Variants in BANK1 observed in about 807,000 individuals in gnomAD.
BANK1 encodes the protein B cell scaffold protein with ankyrin repeats 1.
A neutral mutation model predicts 94.5 loss-of-function variants in BANK1; 95 were observed. The ratio of observed to expected loss-of-function variants is 1.00; its 90% confidence interval spans 0.85 to 1.19. The LOEUF (loss-of-function observed/expected upper bound fraction) is 1.19. BANK1 is among the 50% of genes most tolerant of loss of function. The pLI, the probability that BANK1 is intolerant of heterozygous loss-of-function variation, is 0.00. For missense variants in BANK1, 987 were observed against 932.2 expected, an observed-to-expected ratio of 1.06 and a Z score of -0.77; for synonymous variants, 334 against 308.4, an observed-to-expected ratio of 1.08 and a Z score of -0.87.
intron 7 of BANK1, among the ~76,000 whole-genome samples, chr4:101,948,075 G>T (rs1311910989): frequency 1.3e-5 from 2 of 152,058 alleles, no homozygotes; most frequent in African/African-American, 2.4e-5. Context: ...AATTTAACAT[G>T]TTAAATAAAA....
intron 1 of BANK1, among the ~76,000 whole-genome samples, chr4:101,802,597 G>C (rs1281355768): frequency 6.6e-6 from 1 of 152,176 alleles, no homozygotes; most frequent in East Asian, 1.9e-4. Flanking sequence ...TTTTGTGTTT[G>C]TATGTAGTAA....
At chr4:101,959,642 G>A (rs1724497123) in intron 7 of BANK1, among the ~76,000 whole-genome samples, 1 of 152,148 alleles carries the variant, frequency 6.6e-6, no homozygotes, top group African/African-American at 2.4e-5. Flanking sequence ...TTATCTGCAA[G>A]CACCTTTAGC....
chr4:101,876,691 C>G (rs542797150), intron 5 of BANK1, among the ~76,000 whole-genome samples: 3 of 152,226 alleles, frequency 2.0e-5, no homozygotes, highest in African/African-American at 7.2e-5. Context: ...ATGACCTCAC[C>G]AAATGAACTA....
intron 7 of BANK1, among the ~76,000 whole-genome samples, chr4:101,951,269 A>G (rs1724141920): frequency 6.6e-6 from 1 of 152,100 alleles, no homozygotes; most frequent in African/African-American, 2.4e-5. Flanking sequence ...TTAAAAGGTT[A>G]TTTTTAAAAA....
chr4:101,918,633 A>G (rs928334886), intron 7 of BANK1, among the ~76,000 whole-genome samples: 2 of 151,982 alleles, frequency 1.3e-5, no homozygotes, highest in African/African-American at 4.8e-5. Context: ...TTCTGGTTGT[A>G]ACAAAGATAT....
At position 101,990,214 on chromosome 4, in the gene BANK1, C is replaced by T. The variant is rs1725654800; in HGVS notation, c.1207-31300C>T. ...ATACAAGACAAATCTAATTATTTTC[C>T]TTGTTCAGCTTATAAAAAACAAAAC... On this transcript the variant is annotated intron_variant, in intron 7 of 16. Coordinates refer to ENST00000322953, the MANE Select transcript of BANK1 (RefSeq NM_017935.5). Among the ~76,000 whole-genome samples, 5 of 152,276 alleles carry T rather than the reference C, an allele frequency of 3.3e-5. No homozygotes were observed. The South Asian group carries it at 1.0e-3, about 32-fold the overall frequency.
chr4:101,865,649 G>T (rs575057003), intron 4 of BANK1, among the ~76,000 whole-genome samples: 2 of 152,232 alleles, frequency 1.3e-5, no homozygotes, highest in East Asian at 3.9e-4. Context: ...GTATGCCACA[G>T]CAAAAACCCT....
intron 10 of BANK1, 65 bp downstream of exon 10, chr4:102,030,330 A>C (rs1188059677): frequency 6.9e-7 from 1 of 1,453,408 alleles, no homozygotes; most frequent in African/African-American, 1.4e-5. Flanking sequence ...GGATGGGAGG[A>C]GGGGATAAGG....
At chr4:101,791,207 A>T (rs1231796676) in intron 1 of BANK1, among the ~76,000 whole-genome samples, 2 of 140,002 alleles carry the variant, frequency 1.4e-5, no homozygotes, top group African/African-American at 4.9e-5. Context: ...CAGTGTCTGC[A>T]ACTTCTGAGG....
chr4:101,822,801 G>T (rs1318624114), intron 1 of BANK1, among the ~76,000 whole-genome samples: 3 of 151,934 alleles, frequency 2.0e-5, no homozygotes, highest in Non-Finnish European at 4.4e-5. Flanking sequence ...ATTTTTAGTA[G>T]AGGCGGGGTT....
intron 7 of BANK1, among the ~76,000 whole-genome samples, chr4:101,971,267 G>A (rs1183124183): frequency 6.6e-6 from 1 of 152,006 alleles, no homozygotes; most frequent in Non-Finnish European, 1.5e-5. Context: ...TTAATCAAGT[G>A]TGTCTCCAAA....
intron 5 of BANK1, among the ~76,000 whole-genome samples, 185 bp downstream of exon 5, chr4:101,870,829 C>CA (rs199824902): frequency 0.038 from 5,641 of 148,184 alleles, 333 homozygotes; most frequent in African/African-American, 0.13. Flanking sequence ...TTGCCTAGGT[C>CA]AAAAAAAAAC....
rs149704868 is a variant in BANK1 at position 102,023,699 on chromosome 4, T to C, written c.1286-1502T>C. On this transcript the variant is annotated intron_variant, in intron 8 of 16. Coordinates refer to ENST00000322953, the MANE Select transcript of BANK1 (RefSeq NM_017935.5). ...GAAACCCAAGTTTGGGCATATTTGA[T>C]GACAAGTACCATTCAGATTCTGTTG... Among the ~76,000 whole-genome samples the C allele has an allele frequency of 3.4e-4, 52 of 152,336 alleles. No homozygotes were observed. The East Asian group carries it at 7.7e-3, about 23-fold the overall frequency.
chr4:101,809,120 G>A (rs985416118), intron 1 of BANK1, among the ~76,000 whole-genome samples: 6 of 152,266 alleles, frequency 3.9e-5, no homozygotes, highest in African/African-American at 1.2e-4. Context: ...ATCAATGAGT[G>A]GGTAAAGAAA....
intron 7 of BANK1, among the ~76,000 whole-genome samples, chr4:101,948,491 A>G (rs1368542586): frequency 6.6e-6 from 1 of 152,150 alleles, no homozygotes; most frequent in Non-Finnish European, 1.5e-5. Flanking sequence ...TAAAGGGCAA[A>G]GAAGGGAGTT....
chr4:102,030,595 C>G (rs572859650), intron 10 of BANK1, among the ~76,000 whole-genome samples: 1 of 151,104 alleles, frequency 6.6e-6, no homozygotes, highest in Non-Finnish European at 1.5e-5. Flanking sequence ...CCCCCCACCC[C>G]GCAACAGGCC....
At chr4:101,903,493 T>G (rs1722348635) in intron 6 of BANK1, among the ~76,000 whole-genome samples, 1 of 152,210 alleles carries the variant, frequency 6.6e-6, no homozygotes, top group Admixed American at 6.5e-5. Context: ...CTACGTCATG[T>G]TCTTGGACAA....
intron 2 of BANK1, among the ~76,000 whole-genome samples, chr4:101,835,861 T>G (rs1410419794): frequency 4.6e-5 from 7 of 152,176 alleles, no homozygotes; most frequent in Admixed American, 4.6e-4. Flanking sequence ...TATACTAGGG[T>G]AATTGTATCA....
intron 7 of BANK1, among the ~76,000 whole-genome samples, chr4:101,968,026 T>C (rs1724821687): frequency 6.6e-6 from 1 of 151,906 alleles, no homozygotes; most frequent in African/African-American, 2.4e-5. Flanking sequence ...GGAAAGCATA[T>C]TGGTCTCTGA....
Sources: gnomAD v4.1 joint callset for allele counts (sites outside exome capture counted in the v4.1 genomes callset) on GRCh38, gnomAD v4.1.1 for gene constraint, MANE v1.5 for transcripts, NCBI Gene and HGNC (gene_info 2026-07-23, HGNC 2026-07-21) for gene names.